The following USP47 variants were observed in gnomAD, a reference collection of about 807,000 sequenced individuals.
The protein encoded by USP47 is ubiquitin carboxyl-terminal hydrolase 47.
In USP47, 35 loss-of-function variants were observed where a neutral mutation model predicts 165.1. The observed-to-expected ratio is 0.21, with a 90% CI of 0.16 to 0.28. The LOEUF (loss-of-function observed/expected upper bound fraction) is 0.28. USP47 is among the 10% of genes least tolerant of loss of function. The pLI, the probability that USP47 is intolerant of heterozygous loss-of-function variation, is 1.00. For synonymous variants in USP47, 531 were observed against 544.5 expected (o/e 0.98, Z 0.35); for missense variants, 1,277 against 1,607.4 (o/e 0.79, Z 3.52).
intron 8 of USP47, among the ~76,000 whole-genome samples, chr11:11,911,906 A>G (rs1853022900): frequency 6.6e-6 from 1 of 152,120 alleles, no homozygotes. Context: ...ATTTTTTTCA[A>G]CAACAGTGGA....
At chr11:11,913,547 G>C (rs1346255202) in intron 8 of USP47, among the ~76,000 whole-genome samples, 1 of 151,834 alleles carries the variant, frequency 6.6e-6, no homozygotes, top group Non-Finnish European at 1.5e-5. Context: ...TTACATGTGG[G>C]AACTAAAAAT....
chr11:11,905,673 C>A, intron 8 of USP47, 125 bp downstream of exon 8: 1 of 941,644 alleles, frequency 1.1e-6, no homozygotes, highest in Non-Finnish European at 1.4e-6. Flanking sequence ...GTCATTCCTG[C>A]ATTTAAATTA....
Position 11,897,628 on chromosome 11 carries a change from T to G in USP47, c.528T>G (p.Thr176=). ...TGGGACTAGTAAACCAAGCAATGAC[T>G]TGCTATTTGAATAGCCTTTTGCAAA... is the stretch of plus-strand genomic sequence containing the variant. ...GYVGLVNQAM[T]CYLNSLLQTL... is the part of the protein sequence containing the mutation. The change falls in exon 5 of 28, where the codon ACT becomes ACG. Residue 176 remains threonine, a synonymous_variant. Coordinates refer to ENST00000527733, the MANE Select transcript of USP47 (RefSeq NM_001282659.2). 6.2e-7 allele frequency: 1 copy of G among 1,611,690 alleles called. No homozygotes were observed. Among genetic ancestry groups the G allele is most frequent in the East Asian group, 2.2e-5 (1 of 44,698 alleles).
intron 1 of USP47, among the ~76,000 whole-genome samples, chr11:11,854,348 C>A (rs1217712630): frequency 6.8e-6 from 1 of 146,636 alleles, no homozygotes; most frequent in African/African-American, 2.4e-5. Flanking sequence ...AGCTGGAGTC[C>A]CTAGGTTCAA....
chr11:11,869,315 AT>A (rs59501871), intron 1 of USP47, among the ~76,000 whole-genome samples: 76 of 146,640 alleles, frequency 5.2e-4, no homozygotes, highest in Admixed American at 6.1e-4. Flanking sequence ...TAGGTTGAGA[AT>A]TTTTTTTTTT....
At position 11,961,525 on chromosome 11, in the gene USP47, T is replaced by TG. The variant is rs1400308411; in HGVS notation, c.*5352dup. On this transcript the variant is annotated 3_prime_UTR_variant, in exon 28 of 28. Coordinates refer to ENST00000527733, the MANE Select transcript of USP47 (RefSeq NM_001282659.2). ...TAGAGGCTAAAAAACAGCAAGGAAA[T>TG]GGACTCTCCCCAGAGCCTCCAGAGG... 6.6e-6 allele frequency among the ~76,000 whole-genome samples: 1 copy of TG among 152,000 alleles called. No homozygotes were observed. The highest frequency in any genetic ancestry group is 1.5e-5 in the Non-Finnish European group (1 of 67,988).
intron 8 of USP47, among the ~76,000 whole-genome samples, chr11:11,918,574 A>T (rs1590375307): frequency 6.6e-6 from 1 of 152,238 alleles, no homozygotes; most frequent in East Asian, 1.9e-4. Context: ...TAAAACAAAG[A>T]TACATAATAA....
chr11:11,949,589 T>C (rs1239246995), intron 22 of USP47, among the ~76,000 whole-genome samples: 3 of 152,148 alleles, frequency 2.0e-5, no homozygotes, highest in Non-Finnish European at 4.4e-5. Context: ...GCTTTCAAAA[T>C]TATAACTGTT....
At chr11:11,849,805 T>C (rs1467283208) in intron 1 of USP47, among the ~76,000 whole-genome samples, 2 of 152,198 alleles carry the variant, frequency 1.3e-5, no homozygotes, top group African/African-American at 4.8e-5. Context: ...CTTTCAATAG[T>C]TCTCTGGATG....
intron 5 of USP47, 77 bp downstream of exon 5, chr11:11,897,770 T>G: frequency 9.4e-7 from 1 of 1,058,414 alleles, no homozygotes; most frequent in South Asian, 1.6e-5. Flanking sequence ...TTTATCTTCT[T>G]GCAGTTATTT....
Position 11,922,092 on chromosome 11 carries a change from G to A in USP47, c.1219-632G>A, listed in dbSNP as rs1189779886. On this transcript the variant is annotated intron_variant, in intron 10 of 27. Transcript: ENST00000527733. Reference sequence around the variant, plus strand: ...ACATTTTTAGAGATGTATATAAAACGTTAAAGGGGGAAAGGATTGTTTGGG... The same window carrying A: ...ACATTTTTAGAGATGTATATAAAACATTAAAGGGGGAAAGGATTGTTTGGG... Among the ~76,000 whole-genome samples, 7 of 151,910 alleles carry A rather than the reference G, an allele frequency of 4.6e-5. No homozygotes were observed. The East Asian group carries it at 9.6e-4, about 21-fold the overall frequency.
chr11:11,886,770 T>C (rs765634845), intron 3 of USP47, among the ~76,000 whole-genome samples: 3 of 151,862 alleles, frequency 2.0e-5, no homozygotes, highest in Non-Finnish European at 4.4e-5. Context: ...CATGAGAAGA[T>C]TAACCCCAAG....
chr11:11,911,110 C>A (rs1384431130), intron 8 of USP47, among the ~76,000 whole-genome samples: 4 of 152,028 alleles, frequency 2.6e-5, no homozygotes, highest in African/African-American at 9.7e-5. Flanking sequence ...GGCTGAACAG[C>A]TGAATGAAAG....
At position 11,880,366 on chromosome 11, in the gene USP47, A is replaced by G. The variant is rs1564861939; in HGVS notation, c.229A>G (p.Asn77Asp). ...TFDLVWGNGI[N>D]TADMAPLDHT... ...TGACTTGGTGTGGGGAAATGGAATC[A>G]ATACTGCTGATATGGTAAAATCCTA... is the stretch of plus-strand genomic sequence containing the variant. Residue 77 changes from asparagine to aspartate, a missense_variant, in exon 2 of 28, where the codon AAT becomes GAT. Transcript: ENST00000527733. 7.5e-7 allele frequency: 1 copy of G among 1,328,024 alleles called. No homozygotes were observed. Among genetic ancestry groups the G allele is most frequent in the Admixed American group, 3.8e-5 (1 of 26,498 alleles). 82.3% of individuals were successfully genotyped at this position (1,328,024 alleles called of 1,614,324 possible). A position where few individuals can be genotyped will look rare whatever the true frequency, so the allele number is the denominator to read the frequency against.
intron 8 of USP47, among the ~76,000 whole-genome samples, chr11:11,913,258 CAAAAAAAA>C (rs796881838): frequency 1.3e-5 from 1 of 79,298 alleles, no homozygotes; most frequent in Non-Finnish European, 2.5e-5. Flanking sequence ...ATCCCTTGTA[CAAAAAAAA>C]AAAAAAAAAA....
chr11:11,848,608 T>A (rs897515924), intron 1 of USP47, among the ~76,000 whole-genome samples: 2 of 36,352 alleles, frequency 5.5e-5, no homozygotes, highest in African/African-American at 4.3e-4. Context: ...GAAACTGGCA[T>A]TTTTTTTTTT....
intron 18 of USP47, among the ~76,000 whole-genome samples, chr11:11,939,904 T>C (rs1384720001): frequency 6.6e-6 from 1 of 152,060 alleles, no homozygotes; most frequent in East Asian, 1.9e-4. Flanking sequence ...TGCTTTCATG[T>C]CAATTTATAA....
At chr11:11,906,137 G>A (rs1564873273) in intron 8 of USP47, among the ~76,000 whole-genome samples, 1 of 151,970 alleles carries the variant, frequency 6.6e-6, no homozygotes, top group Admixed American at 6.5e-5. Context: ...CATTCCATAT[G>A]TCATCCATTT....
chr11:11,889,973 T>C (rs1320682877), intron 3 of USP47, among the ~76,000 whole-genome samples: 1 of 152,182 alleles, frequency 6.6e-6, no homozygotes, highest in Admixed American at 6.5e-5. Context: ...ATTTAATAAA[T>C]GGTGCTGGGA....
Sources: allele counts gnomAD v4.1 joint callset (sites outside exome capture counted in the v4.1 genomes callset), GRCh38; gene constraint gnomAD v4.1.1; transcripts MANE v1.5; gene names NCBI Gene and HGNC (gene_info 2026-07-23, HGNC 2026-07-21).